TAFA4: variants seen among roughly 807,000 people sequenced by gnomAD.
TAFA4 encodes the protein TAFA chemokine like family member 4.
Under a neutral mutation model 21.1 loss-of-function variants are expected in TAFA4, and 20 were observed. That is an observed-to-expected ratio of 0.95 (90% CI 0.67 to 1.38). The LOEUF is 1.38. TAFA4 is among the 40% of genes most tolerant of loss of function. TAFA4 has a pLI of 0.00. For synonymous variants in TAFA4, 71 were observed against 67.4 expected (o/e 1.05, Z -0.26); for missense variants, 211 against 180.9 (o/e 1.17, Z -0.95).
intron 3 of TAFA4, among the ~76,000 whole-genome samples, chr3:68,774,231 G>A (rs1180689395): frequency 6.6e-6 from 1 of 152,096 alleles, no homozygotes; most frequent in Non-Finnish European, 1.5e-5. Context: ...TTATAAACAA[G>A]GCCAAATGTT....
chr3:68,886,231 A>AT (rs2089671267), intron 1 of TAFA4, among the ~76,000 whole-genome samples: 1 of 152,218 alleles, frequency 6.6e-6, no homozygotes, highest in Non-Finnish European at 1.5e-5. Flanking sequence ...CACAAGTTTG[A>AT]TTAGAGAACA....
At chr3:68,834,856 C>T (rs955404035) in intron 3 of TAFA4, among the ~76,000 whole-genome samples, 1 of 152,174 alleles carries the variant, frequency 6.6e-6, no homozygotes, top group African/African-American at 2.4e-5. Context: ...CCCACCCTCA[C>T]TTCCTGACAG....
intron 3 of TAFA4, among the ~76,000 whole-genome samples, chr3:68,868,953 T>C (rs114213332): frequency 0.016 from 2,404 of 150,684 alleles, 65 homozygotes; most frequent in African/African-American, 0.056. Context: ...TTTGCAGAGA[T>C]AAAAAAATTG....
At chr3:68,735,198 A>G (rs945083117) in intron 5 of TAFA4, among the ~76,000 whole-genome samples, 1 of 151,732 alleles carries the variant, frequency 6.6e-6, no homozygotes, top group African/African-American at 2.4e-5. Context: ...TAGAAGGGCA[A>G]GTGGAAAAAG....
At chr3:68,789,867 C>T (rs972448564) in intron 3 of TAFA4, among the ~76,000 whole-genome samples, 6 of 152,168 alleles carry the variant, frequency 3.9e-5, no homozygotes, top group African/African-American at 1.2e-4. Context: ...GGTAACCTCT[C>T]ACCTCTAAAA....
chr3:68,907,031 CAAAAAAAA>C (rs34543200), intron 1 of TAFA4, among the ~76,000 whole-genome samples: 1 of 53,926 alleles, frequency 1.9e-5, no homozygotes, highest in Non-Finnish European at 3.2e-5. Flanking sequence ...GAGCCCGTCT[CAAAAAAAA>C]AAAAAAAAAA....
At chr3:68,843,795 TTC>T (rs1216201517) in intron 3 of TAFA4, among the ~76,000 whole-genome samples, 2 of 152,252 alleles carry the variant, frequency 1.3e-5, no homozygotes, top group African/African-American at 4.8e-5. Flanking sequence ...TTGTCATTGG[TTC>T]TGTTTAAGTG....
At chr3:68,800,697 TG>T (rs1703559383) in intron 3 of TAFA4, among the ~76,000 whole-genome samples, 1 of 152,184 alleles carries the variant, frequency 6.6e-6, no homozygotes. Context: ...GGCACCAGAA[TG>T]GGGAGGCCAC....
At chr3:68,852,003 C>T (rs1704962317) in intron 3 of TAFA4, among the ~76,000 whole-genome samples, 1 of 152,072 alleles carries the variant, frequency 6.6e-6, no homozygotes. Context: ...GGGTGGGAGC[C>T]CAGGAATATG....
At chr3:68,742,611 T>C (rs1389807944) in intron 4 of TAFA4, among the ~76,000 whole-genome samples, 1 of 152,184 alleles carries the variant, frequency 6.6e-6, no homozygotes, top group Non-Finnish European at 1.5e-5. Context: ...AGACTACACA[T>C]GAGGTACAGT....
At position 68,732,835 on chromosome 3, in the gene TAFA4, G is replaced by C; in HGVS notation, c.*307C>G. 2.8e-6 allele frequency: 1 copy of C among 356,426 alleles called. No homozygotes were observed. The highest frequency in any genetic ancestry group is 5.0e-6 in the Non-Finnish European group (1 of 198,226). 22.1% of individuals were successfully genotyped at this position (356,426 alleles called of 1,614,324 possible). A position where few individuals can be genotyped will look rare whatever the true frequency, so the allele number is the denominator to read the frequency against. ...CAGAAAGAAAGTGAAGAATGAACAT[G>C]CCCTTAGTGGTGATCCATTTTGAAG... is the stretch of plus-strand genomic sequence containing the variant. On this transcript the variant is annotated 3_prime_UTR_variant, in exon 6 of 6. Coordinates refer to ENST00000295569, the MANE Select transcript of TAFA4 (RefSeq NM_182522.5).
intron 3 of TAFA4, among the ~76,000 whole-genome samples, chr3:68,838,399 A>C (rs1286127140): frequency 6.6e-6 from 1 of 152,200 alleles, no homozygotes; most frequent in African/African-American, 2.4e-5. Context: ...TGAACACCAA[A>C]TGTTTTTGAA....
chr3:68,905,619 A>G (rs1303213859), intron 1 of TAFA4, among the ~76,000 whole-genome samples: 2 of 152,172 alleles, frequency 1.3e-5, no homozygotes, highest in African/African-American at 4.8e-5. Flanking sequence ...TTTCAGTTGG[A>G]GCCTAAATGA....
intron 4 of TAFA4, among the ~76,000 whole-genome samples, chr3:68,751,047 G>C (rs1702549555): frequency 6.6e-6 from 1 of 152,196 alleles, no homozygotes; most frequent in Admixed American, 6.5e-5. Flanking sequence ...TTTGAAAGGA[G>C]AATAAGAAGA....
chr3:68,801,545 G>C (rs1265317413), intron 3 of TAFA4, among the ~76,000 whole-genome samples: 1 of 152,160 alleles, frequency 6.6e-6, no homozygotes, highest in Non-Finnish European at 1.5e-5. Context: ...ACAAATATCT[G>C]TTGACACAAC....
At position 68,852,607 on chromosome 3, in the gene TAFA4, C is replaced by T. The variant is rs561184191; in HGVS notation, c.130+28123G>A. Among the ~76,000 whole-genome samples, 6 of 152,232 alleles carry T rather than the reference C, an allele frequency of 3.9e-5. No homozygotes were observed. The East Asian group carries it at 5.8e-4, about 15-fold the overall frequency. On this transcript the variant is annotated intron_variant, in intron 3 of 5. Coordinates refer to ENST00000295569, the MANE Select transcript of TAFA4 (RefSeq NM_182522.5). ...ACCCAGGGTAGGGGGTGTAATTTAC[C>T]AGGCCTCCCAAAACCCCAATTAAAA...
At chr3:68,815,069 T>A (rs4855343) in intron 3 of TAFA4, among the ~76,000 whole-genome samples, 4,274 of 152,264 alleles carry the variant, frequency 0.028, 233 homozygotes, top group East Asian at 0.23. Flanking sequence ...GGGGAAAGGA[T>A]TCTCTATTTA....
chr3:68,801,146 T>C (rs1386579895), intron 3 of TAFA4, among the ~76,000 whole-genome samples: 4 of 152,252 alleles, frequency 2.6e-5, no homozygotes, highest in Admixed American at 2.6e-4. Flanking sequence ...ATGCCAGGGC[T>C]ATTTGTTTTA....
At chr3:68,764,625 G>A (rs563684177) in intron 3 of TAFA4, among the ~76,000 whole-genome samples, 2 of 152,106 alleles carry the variant, frequency 1.3e-5, no homozygotes, top group South Asian at 2.1e-4. Flanking sequence ...ATTCATTTTC[G>A]ATCACTGGGA....
Sources: allele counts gnomAD v4.1 joint callset (sites outside exome capture counted in the v4.1 genomes callset), GRCh38; gene constraint gnomAD v4.1.1; transcripts MANE v1.5; gene names NCBI Gene and HGNC (gene_info 2026-07-23, HGNC 2026-07-21).